Variants in PRKCE observed in about 807,000 individuals in gnomAD.
PRKCE encodes the protein protein kinase C epsilon.
In PRKCE, 16 loss-of-function variants were observed where a neutral mutation model predicts 85.4. That is an observed-to-expected ratio of 0.19 (90% confidence interval 0.13 to 0.28). The LOEUF is 0.28. Ranked by LOEUF, PRKCE falls within the 10% of genes least tolerant of loss-of-function variation. The pLI is 1.00. For synonymous variants in PRKCE, 388 were observed against 371.5 expected (o/e 1.04, Z -0.51); for missense variants, 573 against 975.2 (o/e 0.59, Z 5.49).
At chr2:46,088,213 A>C (rs994929720) in intron 11 of PRKCE, among the ~76,000 whole-genome samples, 2 of 152,176 alleles carry the variant, frequency 1.3e-5, no homozygotes, top group Non-Finnish European at 2.9e-5. Context: ...CTACAGCTTC[A>C]TATACCTTTC....
At chr2:45,843,858 A>C (rs777951615) in intron 2 of PRKCE, among the ~76,000 whole-genome samples, 1 of 152,208 alleles carries the variant, frequency 6.6e-6, no homozygotes, top group Non-Finnish European at 1.5e-5. Context: ...GGGACAGAAC[A>C]GTTGGCTTTA....
chr2:45,669,624 C>T (rs553068129), intron 1 of PRKCE, among the ~76,000 whole-genome samples: 3 of 152,246 alleles, frequency 2.0e-5, no homozygotes, highest in East Asian at 3.9e-4. Context: ...TCAGGGAGGG[C>T]AGGAAGAAAC....
intron 1 of PRKCE, among the ~76,000 whole-genome samples, chr2:45,715,127 TTCAC>T (rs1679981724): frequency 6.6e-6 from 1 of 152,254 alleles, no homozygotes; most frequent in Non-Finnish European, 1.5e-5. Context: ...GCATAACTCA[TTCAC>T]TCACTTACCA....
intron 6 of PRKCE, among the ~76,000 whole-genome samples, chr2:45,990,680 A>C (rs1558928958): frequency 1.4e-5 from 2 of 145,736 alleles, no homozygotes; most frequent in African/African-American, 5.1e-5. Context: ...TTTGAGATGG[A>C]GTCTCGCTCT....
intron 2 of PRKCE, among the ~76,000 whole-genome samples, chr2:45,885,409 G>C (rs1394597734): frequency 6.6e-6 from 1 of 152,104 alleles, no homozygotes; most frequent in Non-Finnish European, 1.5e-5. Context: ...CTTCTGCCTG[G>C]GACATTTATA....
chr2:46,110,642 G>T (rs62127480), intron 11 of PRKCE, among the ~76,000 whole-genome samples: 5,266 of 151,304 alleles, frequency 0.035, 144 homozygotes, highest in Non-Finnish European at 0.055. Flanking sequence ...TTTTAAAGCG[G>T]CTTTTGGTTT....
intron 3 of PRKCE, among the ~76,000 whole-genome samples, chr2:45,977,724 C>G (rs1390985645): frequency 6.6e-6 from 1 of 152,060 alleles, no homozygotes; most frequent in African/African-American, 2.4e-5. Context: ...AATACCCAGG[C>G]TCAGAAATGA....
chr2:46,077,134 A>C (rs996008677), intron 10 of PRKCE, among the ~76,000 whole-genome samples: 3 of 151,360 alleles, frequency 2.0e-5, no homozygotes, highest in Non-Finnish European at 4.4e-5. Flanking sequence ...CTAAGACTGC[A>C]GATTTTATGT....
At chr2:46,119,996 T>C (rs1673157009) in intron 11 of PRKCE, among the ~76,000 whole-genome samples, 1 of 145,966 alleles carries the variant, frequency 6.9e-6, no homozygotes, top group Non-Finnish European at 1.5e-5. Flanking sequence ...GGGCACCTTT[T>C]GGAGATGCTA....
chr2:45,969,202 G>A (rs954116864), intron 2 of PRKCE, among the ~76,000 whole-genome samples: 2 of 151,852 alleles, frequency 1.3e-5, no homozygotes, highest in Non-Finnish European at 2.9e-5. Context: ...TTATGCCTTT[G>A]TGAATTCTTG....
intron 1 of PRKCE, among the ~76,000 whole-genome samples, chr2:45,759,270 G>A (rs1684249314): frequency 6.6e-6 from 1 of 152,194 alleles, no homozygotes; most frequent in Non-Finnish European, 1.5e-5. Context: ...TATGTCTTGA[G>A]CTGCTCTGTT....
chr2:45,678,865 G>T (rs541358629), intron 1 of PRKCE, among the ~76,000 whole-genome samples: 1 of 152,094 alleles, frequency 6.6e-6, no homozygotes, highest in Non-Finnish European at 1.5e-5. Flanking sequence ...TTTGTGTTCT[G>T]TTTCCATTCC....
Position 45,714,646 on chromosome 2 carries a change from C to G in PRKCE, c.348+62198C>G, listed in dbSNP as rs180864634. 1.3e-3 allele frequency among the ~76,000 whole-genome samples: 195 copies of G among 152,276 alleles called. 3 individuals are homozygous for G. Among genetic ancestry groups the G allele is most frequent in the Admixed American group, 0.011 (162 of 15,294 alleles). On this transcript the variant is annotated intron_variant, in intron 1 of 14. Transcript: ENST00000306156. ...TGGCCTCGTGAAAGGTCCTCTTGGC[C>G]CAGCACTACAATCCTGTTAAAGAGG...
chr2:46,141,101 CA>C (rs1172071088), intron 11 of PRKCE, among the ~76,000 whole-genome samples: 1 of 152,108 alleles, frequency 6.6e-6, no homozygotes, highest in Non-Finnish European at 1.5e-5. Flanking sequence ...TCAAAATTCA[CA>C]TTCTTGTAGT....
intron 10 of PRKCE, among the ~76,000 whole-genome samples, chr2:46,011,702 A>T (rs1049574975): frequency 6.6e-6 from 1 of 152,156 alleles, no homozygotes; most frequent in African/African-American, 2.4e-5. Flanking sequence ...TGCAATGAAA[A>T]CAAAATTACC....
At chr2:46,167,703 G>C (rs554096193) in intron 14 of PRKCE, 11 of 152,392 alleles carry the variant, frequency 7.2e-5, no homozygotes, top group South Asian at 2.1e-4. Context: ...TTGCCTCTTA[G>C]GATGGCACCC....
chr2:46,046,302 T>G (rs1031304814), intron 10 of PRKCE, among the ~76,000 whole-genome samples: 1 of 152,204 alleles, frequency 6.6e-6, no homozygotes, highest in Non-Finnish European at 1.5e-5. Context: ...CTCTAGCCGT[T>G]GGATATAGGC....
At chr2:45,889,749 C>T (rs992928105) in intron 2 of PRKCE, among the ~76,000 whole-genome samples, 1 of 152,186 alleles carries the variant, frequency 6.6e-6, no homozygotes, top group Non-Finnish European at 1.5e-5. Flanking sequence ...TGGCTCCCTC[C>T]ATTTTTATGT....
intron 1 of PRKCE, among the ~76,000 whole-genome samples, chr2:45,834,769 A>G (rs1359131603): frequency 6.6e-6 from 1 of 152,194 alleles, no homozygotes; most frequent in Non-Finnish European, 1.5e-5. Flanking sequence ...TAGGACTCGC[A>G]TGGTGATCTA....
Sources: gnomAD v4.1 joint callset for allele counts (sites outside exome capture counted in the v4.1 genomes callset) on GRCh38, gnomAD v4.1.1 for gene constraint, MANE v1.5 for transcripts, NCBI Gene and HGNC (gene_info 2026-07-23, HGNC 2026-07-21) for gene names.